GRM5: variants seen among roughly 807,000 people sequenced by gnomAD.
The protein encoded by GRM5 is metabotropic glutamate receptor 5.
Under a neutral mutation model 83.1 loss-of-function variants are expected in GRM5, and 19 were observed. That is an observed-to-expected ratio of 0.23 (90% CI 0.16 to 0.34). The LOEUF is 0.34. Among genes scored for constraint, GRM5 ranks in the 10% least tolerant of loss-of-function variants. The pLI is 1.00. For synonymous variants in GRM5, 675 were observed against 633.6 expected, an observed-to-expected ratio of 1.07 and a Z score of -0.98; for missense variants, 1,160 against 1,588.3, an observed-to-expected ratio of 0.73 and a Z score of 4.58.
At chr11:88,618,763 G>C (rs1938554110) in intron 4 of GRM5, among the ~76,000 whole-genome samples, 1 of 152,150 alleles carries the variant, frequency 6.6e-6, no homozygotes, top group African/African-American at 2.4e-5. Flanking sequence ...CCAGTAAATG[G>C]TAGGCATGTT....
chr11:88,595,812 T>C (rs1438803155), intron 6 of GRM5, among the ~76,000 whole-genome samples: 2 of 152,182 alleles, frequency 1.3e-5, no homozygotes, highest in Non-Finnish European at 2.9e-5. Context: ...TATCTCTCTG[T>C]ACCTGTTGCT....
intron 3 of GRM5, among the ~76,000 whole-genome samples, chr11:88,730,799 A>T (rs1436181245): frequency 6.6e-6 from 1 of 152,132 alleles, no homozygotes; most frequent in Non-Finnish European, 1.5e-5. Flanking sequence ...GTTCTCACTT[A>T]TAAGTGGAAG....
At chr11:88,909,163 T>C (rs1333106713) in intron 2 of GRM5, among the ~76,000 whole-genome samples, 1 of 152,148 alleles carries the variant, frequency 6.6e-6, no homozygotes, top group Non-Finnish European at 1.5e-5. Context: ...TCCTTGTTCC[T>C]TGAGTATATT....
chr11:88,941,034 T>C (rs598408), intron 2 of GRM5, among the ~76,000 whole-genome samples: 143,582 of 151,904 alleles, frequency 0.95, 68,007 homozygotes, highest in Non-Finnish European at 0.98. Context: ...CAAGAGGCAA[T>C]AAACACTCCA....
At chr11:88,620,954 G>T (rs894061959) in intron 4 of GRM5, among the ~76,000 whole-genome samples, 1 of 152,172 alleles carries the variant, frequency 6.6e-6, no homozygotes, top group African/African-American at 2.4e-5. Context: ...AACAGGGATT[G>T]CACACTTCTC....
intron 8 of GRM5, among the ~76,000 whole-genome samples, chr11:88,547,470 G>A (rs1479723514): frequency 6.6e-6 from 1 of 152,126 alleles, no homozygotes; most frequent in Admixed American, 6.6e-5. Flanking sequence ...GCCTCAAGTA[G>A]CCCCAAACCT....
At chr11:88,713,955 C>A (rs1941341887) in intron 3 of GRM5, among the ~76,000 whole-genome samples, 1 of 151,834 alleles carries the variant, frequency 6.6e-6, no homozygotes, top group Non-Finnish European at 1.5e-5. Context: ...TATGCAGAAA[C>A]AAGATTGACA....
intron 4 of GRM5, among the ~76,000 whole-genome samples, chr11:88,605,694 G>A (rs1369074671): frequency 6.6e-6 from 1 of 152,130 alleles, no homozygotes; most frequent in Non-Finnish European, 1.5e-5. Flanking sequence ...TAATAAATCT[G>A]TAAAACATGT....
At chr11:88,627,820 C>A (rs1228063693) in intron 4 of GRM5, among the ~76,000 whole-genome samples, 1 of 152,082 alleles carries the variant, frequency 6.6e-6, no homozygotes, top group East Asian at 1.9e-4. Context: ...TCTCCCTCAC[C>A]CAACAAATTC....
intron 6 of GRM5, among the ~76,000 whole-genome samples, chr11:88,593,918 C>A (rs1027766263): frequency 1.3e-5 from 2 of 151,558 alleles, no homozygotes; most frequent in African/African-American, 4.8e-5. Flanking sequence ...CTCAGCCTCC[C>A]AAGTAGCTGG....
chr11:88,635,702 C>T (rs898887626), intron 4 of GRM5, among the ~76,000 whole-genome samples: 2 of 152,112 alleles, frequency 1.3e-5, no homozygotes, highest in Non-Finnish European at 2.9e-5. Context: ...AATTCCTTGT[C>T]TATTTTTGTT....
chr11:89,065,286 T>TCACACACACACACACA (rs71046278), intron 1 of GRM5, among the ~76,000 whole-genome samples: 11 of 147,488 alleles, frequency 7.5e-5, no homozygotes, highest in Admixed American at 1.3e-4. Context: ...TGTATTGGCA[T>TCACACACACACACACA]CACACACACA....
At chr11:88,562,753 C>A (rs569688132) in intron 8 of GRM5, among the ~76,000 whole-genome samples, 1 of 152,126 alleles carries the variant, frequency 6.6e-6, no homozygotes, top group South Asian at 2.1e-4. Flanking sequence ...CTAACAAACA[C>A]CTGACACGCC....
chr11:88,994,480 T>C (rs1232254981), intron 2 of GRM5, among the ~76,000 whole-genome samples: 2 of 136,314 alleles, frequency 1.5e-5, no homozygotes, highest in African/African-American at 2.8e-5. Context: ...TATATATATA[T>C]ATATATTACA....
intron 3 of GRM5, among the ~76,000 whole-genome samples, chr11:88,822,333 C>T (rs540747740): frequency 2.6e-5 from 4 of 151,884 alleles, no homozygotes; most frequent in East Asian, 1.9e-4. Flanking sequence ...ATAAAAATGC[C>T]GAATAATATT....
At chr11:88,673,404 C>G (rs1240013356) in intron 3 of GRM5, among the ~76,000 whole-genome samples, 1 of 151,832 alleles carries the variant, frequency 6.6e-6, no homozygotes, top group South Asian at 2.1e-4. Flanking sequence ...AAATACGTTT[C>G]TTGGGGAAGT....
intron 9 of GRM5, chr11:88,511,959 T>C (rs1245395369): frequency 6.6e-6 from 1 of 152,268 alleles, no homozygotes; most frequent in Non-Finnish European, 1.5e-5. Flanking sequence ...ATTGGATTTA[T>C]TCCACCAACT....
intron 3 of GRM5, 48 bp from the exon 4 acceptor site, chr11:88,653,451 G>A (rs538054706): frequency 8.0e-7 from 1 of 1,249,814 alleles, no homozygotes; most frequent in Non-Finnish European, 1.2e-6. Flanking sequence ...TATCTCCTAA[G>A]CAAATGAGTC....
intron 2 of GRM5, among the ~76,000 whole-genome samples, chr11:88,961,015 T>C (rs1259020230): frequency 1.3e-5 from 2 of 152,214 alleles, no homozygotes; most frequent in Admixed American, 6.5e-5. Flanking sequence ...TGGTAGAGTC[T>C]GGATTTCAAT....
Sources: gnomAD v4.1 joint callset for allele counts (sites outside exome capture counted in the v4.1 genomes callset) on GRCh38, gnomAD v4.1.1 for gene constraint, MANE v1.5 for transcripts, NCBI Gene and HGNC (gene_info 2026-07-23, HGNC 2026-07-21) for gene names.